CAST: variants seen among roughly 807,000 people sequenced by gnomAD.
CAST encodes MIR583 host.
CAST carries 76 observed loss-of-function variants against 119.6 expected under a neutral mutation model. The observed-to-expected ratio is 0.64, with a 90% CI of 0.53 to 0.77. The LOEUF (loss-of-function observed/expected upper bound fraction) is 0.77, where lower values mean the gene tolerates loss of function less well. Ranked by LOEUF, CAST falls within the 30% of genes least tolerant of loss-of-function variation. The pLI, the probability that CAST is intolerant of heterozygous loss-of-function variation, is 0.00. For missense variants in CAST, 953 were observed against 946.5 expected (o/e 1.01, Z -0.09); for synonymous variants, 319 against 331.6 (o/e 0.96, Z 0.41).
chr5:96,741,304 A>G lies in CAST; in HGVS notation c.957A>G (p.Ser319=). 1.2e-6 allele frequency: 2 copies of G among 1,613,586 alleles called. No individual in the cohort carries two copies. Among genetic ancestry groups the G allele is most frequent in the East Asian group, 2.2e-5 (1 of 44,876 alleles). The change falls in exon 14 of 32, where the codon TCA becomes TCG. Residue 319 remains serine, a synonymous_variant. Transcript: ENST00000675179. ...IGPDDAIDAL[S]SDFTCGSPTA... is the part of the protein sequence containing the mutation. ...CAGATGATGCTATAGACGCCTTGTC[A>G]TCTGACTTCACCTGTGGGTCGCCTA...
At chr5:96,696,468 C>T (rs959605332) in intron 3 of CAST, among the ~76,000 whole-genome samples, 11 of 152,016 alleles carry the variant, frequency 7.2e-5, no homozygotes, top group Admixed American at 5.9e-4. Flanking sequence ...TTATAAACTC[C>T]ATCTAAGCAA....
At chr5:96,104,307 C>T in the CAST span, among the ~76,000 whole-genome samples, 1 of 152,094 alleles carries the variant, frequency 6.6e-6, no homozygotes, top group African/African-American at 2.4e-5. Flanking sequence ...GAAGTCCTTC[C>T]CCATGCCTAT....
At chr5:96,700,030 G>A (rs1753703513) in intron 3 of CAST, among the ~76,000 whole-genome samples, 1 of 152,128 alleles carries the variant, frequency 6.6e-6, no homozygotes, top group Non-Finnish European at 1.5e-5. Flanking sequence ...AAATAGCTGT[G>A]CTGACTTTGG....
At chr5:96,023,275 T>A in the CAST span, among the ~76,000 whole-genome samples, 3 of 152,208 alleles carry the variant, frequency 2.0e-5, no homozygotes, top group African/African-American at 7.2e-5. Context: ...AATATCTAGA[T>A]GATTTTATGA....
chr5:96,361,717 A>T, the CAST span, among the ~76,000 whole-genome samples: 1 of 149,968 alleles, frequency 6.7e-6, no homozygotes, highest in Non-Finnish European at 1.5e-5. Context: ...GGAAATGTGG[A>T]AATCATCTGC....
At chr5:96,613,649 GA>G (rs149240064) in intron 1 of CAST, among the ~76,000 whole-genome samples, 13,327 of 152,164 alleles carry the variant, frequency 0.088, 693 homozygotes, top group African/African-American at 0.15. Context: ...GTCTTCTGAT[GA>G]TTGTCTTTAA....
Position 96,748,587 on chromosome 5 carries a change from C to G in CAST, c.1402C>G (p.Pro468Ala), listed in dbSNP as rs1156715173. 1 of 1,537,736 alleles carries G rather than the reference C, an allele frequency of 6.5e-7. No individual in the cohort carries two copies. Among genetic ancestry groups the G allele is most frequent in the African/African-American group, 1.4e-5 (1 of 73,404 alleles). ...TGACCGGTCTGAATGTAAAGAGAAA[C>G]CATCTAAGCCAACTGAAAAGACAGA... The part of the protein sequence containing the change: ...DFDRSECKEK[P>A]SKPTEKTEES... Residue 468 changes from proline to alanine, a missense_variant, in exon 19 of 32, where the codon CCA (proline) becomes GCA (alanine). Physicochemically the swap from Pro to Ala is conservative, Grantham distance 27. Transcript: ENST00000675179.
the CAST span, among the ~76,000 whole-genome samples, chr5:96,413,858 G>A: frequency 7.0e-6 from 1 of 143,622 alleles, no homozygotes; most frequent in African/African-American, 2.6e-5. Context: ...GGTGGCTCAC[G>A]CCTGTAATCC....
At chr5:96,446,822 A>G in the CAST span, among the ~76,000 whole-genome samples, 5 of 152,196 alleles carry the variant, frequency 3.3e-5, no homozygotes, top group African/African-American at 1.2e-4. Context: ...GGCTAGAAAA[A>G]AAGAGTTACC....
the CAST span, among the ~76,000 whole-genome samples, chr5:96,456,557 G>A: frequency 6.6e-6 from 1 of 152,198 alleles, no homozygotes; most frequent in Non-Finnish European, 1.5e-5. Flanking sequence ...ACTAATCCAT[G>A]TTGGTTTGAT....
chr5:96,364,756 G>T, the CAST span, among the ~76,000 whole-genome samples: 1 of 151,906 alleles, frequency 6.6e-6, no homozygotes, highest in African/African-American at 2.4e-5. Flanking sequence ...CAATTTTGTT[G>T]ATCTTTTCAA....
the CAST span, among the ~76,000 whole-genome samples, chr5:96,212,315 T>C: frequency 6.6e-6 from 1 of 152,184 alleles, no homozygotes; most frequent in African/African-American, 2.4e-5. Context: ...CACAAATTTT[T>C]ATATGCTGTA....
the CAST span, among the ~76,000 whole-genome samples, chr5:96,059,291 G>A: frequency 6.6e-6 from 1 of 152,152 alleles, no homozygotes. Context: ...GGATAATCAG[G>A]AGGCTGAGAG....
At chr5:96,236,150 CATCT>C in the CAST span, among the ~76,000 whole-genome samples, 2 of 151,610 alleles carry the variant, frequency 1.3e-5, no homozygotes, top group East Asian at 3.9e-4. Flanking sequence ...TCCATCCATC[CATCT>C]ATCTACCTAT....
At chr5:96,067,833 A>G in the CAST span, among the ~76,000 whole-genome samples, 2 of 152,156 alleles carry the variant, frequency 1.3e-5, no homozygotes, top group African/African-American at 4.8e-5. Context: ...GGGGAAAAAC[A>G]GCAATGTAAT....
the CAST span, among the ~76,000 whole-genome samples, chr5:96,007,128 G>A: frequency 6.6e-6 from 1 of 152,186 alleles, no homozygotes; most frequent in African/African-American, 2.4e-5. Context: ...TAATTGACCA[G>A]TTTGCTTCCA....
At chr5:96,202,706 G>C in the CAST span, among the ~76,000 whole-genome samples, 1 of 152,036 alleles carries the variant, frequency 6.6e-6, no homozygotes, top group Non-Finnish European at 1.5e-5. Flanking sequence ...TTGATAAATG[G>C]TGCTTAACCA....
intron 2 of CAST, among the ~76,000 whole-genome samples, chr5:96,690,381 G>A (rs152020): frequency 1.3e-5 from 2 of 151,806 alleles, no homozygotes; most frequent in African/African-American, 2.4e-5. Context: ...ACAGACATGC[G>A]CCATTACACC....
chr5:96,656,561 C>T (rs768949092), intron 1 of CAST, among the ~76,000 whole-genome samples: 2 of 152,192 alleles, frequency 1.3e-5, no homozygotes, highest in Non-Finnish European at 2.9e-5. Context: ...GGTCTACATG[C>T]TTCACGTTAC....
Sources: gnomAD v4.1 joint callset for allele counts (sites outside exome capture counted in the v4.1 genomes callset) on GRCh38, gnomAD v4.1.1 for gene constraint, MANE v1.5 for transcripts, NCBI Gene and HGNC (gene_info 2026-07-23, HGNC 2026-07-21) for gene names.